Variants in SHTN1 observed in about 807,000 individuals in gnomAD.
SHTN1 encodes the protein shootin 1.
Under a neutral mutation model 83.1 loss-of-function variants are expected in SHTN1, and 42 were observed. The ratio of observed to expected loss-of-function variants is 0.51; its 90% CI spans 0.39 to 0.65. The LOEUF (loss-of-function observed/expected upper bound fraction) is 0.65, where lower values mean the gene tolerates loss of function less well. SHTN1 is among the 30% of genes least tolerant of loss of function. The probability of loss-of-function intolerance (pLI) is 0.00; values close to 1 mark genes in which losing one functional copy is unlikely to be tolerated. For synonymous variants in SHTN1, 224 were observed against 247.7 expected, an observed-to-expected ratio of 0.90 and a Z score of 0.90; for missense variants, 622 against 737.8, an observed-to-expected ratio of 0.84 and a Z score of 1.82.
At chr10:117,017,174 C>T (rs1406882939) in intron 2 of SHTN1, among the ~76,000 whole-genome samples, 1 of 152,174 alleles carries the variant, frequency 6.6e-6, no homozygotes, top group Non-Finnish European at 1.5e-5. Flanking sequence ...TCAACAGCTG[C>T]AGTTAGAAAA....
chr10:116,930,574 G>A (rs1848922806), intron 9 of SHTN1, among the ~76,000 whole-genome samples: 1 of 152,018 alleles, frequency 6.6e-6, no homozygotes, highest in Admixed American at 6.6e-5. Context: ...TCCTTTTTAT[G>A]GCTACACCGT....
intron 16 of SHTN1, among the ~76,000 whole-genome samples, chr10:116,893,815 C>T (rs980355592): frequency 6.6e-6 from 1 of 152,040 alleles, no homozygotes; most frequent in East Asian, 1.9e-4. Context: ...AATTTTATGC[C>T]AAGTTTCCCT....
chr10:117,100,445 A>G (rs1853573809), intron 1 of SHTN1, among the ~76,000 whole-genome samples: 1 of 152,208 alleles, frequency 6.6e-6, no homozygotes, highest in Non-Finnish European at 1.5e-5. Context: ...TGAAGTAGAT[A>G]ATCAATAAAT....
At chr10:116,983,544 C>A (rs894570254) in intron 1 of SHTN1, among the ~76,000 whole-genome samples, 2 of 152,056 alleles carry the variant, frequency 1.3e-5, no homozygotes, top group Non-Finnish European at 2.9e-5. Flanking sequence ...ACATTAAAAT[C>A]ACCTGCGGGG....
intron 9 of SHTN1, among the ~76,000 whole-genome samples, chr10:116,938,045 T>A (rs1849236977): frequency 6.6e-6 from 1 of 151,992 alleles, no homozygotes; most frequent in Non-Finnish European, 1.5e-5. Flanking sequence ...AAACTGGTTT[T>A]TCTAGTTAGC....
Position 117,084,427 on chromosome 10 carries a change from A to G in SHTN1, c.-188-35917T>C, listed in dbSNP as rs537437214. On this transcript the variant is annotated intron_variant, in intron 1 of 17. Transcript: ENST00000392901. ...TCTCCAGCTGCGTACTGGGAGAACC[A>G]CTGCTCTCTTCAAAGCTGTCAGACA... 4.6e-5 allele frequency among the ~76,000 whole-genome samples: 7 copies of G among 152,336 alleles called. No individual in the cohort carries two copies. The East Asian group carries it at 1.4e-3, about 29-fold the overall frequency.
intron 15 of SHTN1, among the ~76,000 whole-genome samples, chr10:116,902,205 A>C (rs1382528870): frequency 6.6e-6 from 1 of 152,208 alleles, no homozygotes; most frequent in Non-Finnish European, 1.5e-5. Context: ...ATCCCAGGCC[A>C]CAATTCCCTC....
At chr10:117,023,749 A>C (rs1315225677) in intron 2 of SHTN1, 2 of 152,646 alleles carry the variant, frequency 1.3e-5, no homozygotes, top group Non-Finnish European at 2.9e-5. Flanking sequence ...CTTTGGCCAG[A>C]TTTAGCATAA....
chr10:116,954,420 A>C (rs923671567), intron 4 of SHTN1, among the ~76,000 whole-genome samples: 1 of 152,232 alleles, frequency 6.6e-6, no homozygotes, highest in Non-Finnish European at 1.5e-5. Flanking sequence ...GCCAGCAGCA[A>C]GTGGAAATGC....
At chr10:117,078,169 G>A (rs1301995800) in intron 1 of SHTN1, among the ~76,000 whole-genome samples, 1 of 152,084 alleles carries the variant, frequency 6.6e-6, no homozygotes, top group African/African-American at 2.4e-5. Flanking sequence ...TAAACACATG[G>A]GATTAAGATC....
chr10:117,030,839 A>G (rs1336197279), intron 2 of SHTN1, among the ~76,000 whole-genome samples: 1 of 152,120 alleles, frequency 6.6e-6, no homozygotes, highest in Non-Finnish European at 1.5e-5. Flanking sequence ...ATAAAAAACA[A>G]TAAAACACAT....
chr10:116,942,093 G>A (rs1010538368), intron 8 of SHTN1, among the ~76,000 whole-genome samples: 1 of 152,186 alleles, frequency 6.6e-6, no homozygotes, highest in African/African-American at 2.4e-5. Context: ...GGCTGGAGAA[G>A]GGTGAGATGC....
chr10:117,069,808 C>G (rs1042454909), intron 1 of SHTN1, among the ~76,000 whole-genome samples: 1 of 152,168 alleles, frequency 6.6e-6, no homozygotes, highest in African/African-American at 2.4e-5. Context: ...ATGGATGAGA[C>G]AGTGATTTAT....
At position 116,919,978 on chromosome 10, in the gene SHTN1, G is replaced by A. The variant is rs74159012; in HGVS notation, c.1195+1456C>T. 2.3e-3 allele frequency among the ~76,000 whole-genome samples: 351 copies of A among 152,296 alleles called. 1 individual carries two copies. Among genetic ancestry groups the A allele is most frequent in the African/African-American group, 8.2e-3 (340 of 41,562 alleles). ...TCAATATGCATGAAAGCAGTGGGATGCTGCCAAGAAGAGTAAACCCTCAAA... is the reference window on the plus strand; with the variant it reads ...TCAATATGCATGAAAGCAGTGGGATACTGCCAAGAAGAGTAAACCCTCAAA... On this transcript the variant is annotated intron_variant, in intron 12 of 16. Transcript: ENST00000355371.
chr10:117,097,882 T>C (rs1853528551), intron 1 of SHTN1, among the ~76,000 whole-genome samples: 1 of 152,086 alleles, frequency 6.6e-6, no homozygotes, highest in African/African-American at 2.4e-5. Context: ...TCAAAGGTTA[T>C]CAAAGGTTGT....
intron 2 of SHTN1, among the ~76,000 whole-genome samples, chr10:117,035,491 C>T (rs1221599319): frequency 1.3e-5 from 2 of 151,968 alleles, no homozygotes; most frequent in African/African-American, 4.8e-5. Flanking sequence ...AATGGAATCA[C>T]AAAAAGCTTT....
intron 1 of SHTN1, among the ~76,000 whole-genome samples, chr10:117,123,233 C>T (rs1235504305): frequency 6.6e-6 from 1 of 152,132 alleles, no homozygotes; most frequent in Non-Finnish European, 1.5e-5. Flanking sequence ...AACTCCTGAC[C>T]TCAGGTGATC....
chr10:117,027,180 T>A (rs953050998), intron 2 of SHTN1, among the ~76,000 whole-genome samples: 1 of 109,556 alleles, frequency 9.1e-6, no homozygotes, highest in Non-Finnish European at 2.3e-5. Flanking sequence ...TCAGTTGGAA[T>A]CCCCAACATT....
chr10:116,980,388 G>A (rs1476629778), intron 1 of SHTN1, among the ~76,000 whole-genome samples: 3 of 152,116 alleles, frequency 2.0e-5, no homozygotes, highest in East Asian at 3.9e-4. Context: ...GAACTCCAGG[G>A]CTCAAAATGA....
Sources: allele counts gnomAD v4.1 joint callset (sites outside exome capture counted in the v4.1 genomes callset), GRCh38; gene constraint gnomAD v4.1.1; transcripts MANE v1.5; gene names NCBI Gene and HGNC (gene_info 2026-07-23, HGNC 2026-07-21).